The following CEP135 variants were observed in gnomAD, a reference collection of about 807,000 sequenced individuals.
The protein encoded by CEP135 is centrosomal protein 135, also known as centrosomal protein of 135 kDa.
A neutral mutation model predicts 157.3 loss-of-function variants in CEP135; 142 were observed. The ratio of observed to expected loss-of-function variants is 0.90; its 90% CI spans 0.79 to 1.04. CEP135 has a LOEUF of 1.04. Among genes scored for constraint, CEP135 ranks in the 50% least tolerant of loss-of-function variants. The probability of loss-of-function intolerance (pLI) is 0.00; values close to 1 mark genes in which losing one functional copy is unlikely to be tolerated. For missense variants in CEP135, 1,317 were observed against 1,309.2 expected, an observed-to-expected ratio of 1.01 and a Z score of -0.09; for synonymous variants, 396 against 439.8, an observed-to-expected ratio of 0.90 and a Z score of 1.25.
intron 6 of CEP135, 145 bp downstream of exon 6, chr4:55,959,911 G>A: frequency 1.4e-6 from 1 of 716,322 alleles, no homozygotes; most frequent in Non-Finnish European, 2.4e-6. Context: ...AGAGTTAATA[G>A]CTGGAATGGC....
chr4:55,984,211 C>T (rs570231858), intron 13 of CEP135, among the ~76,000 whole-genome samples: 9 of 152,334 alleles, frequency 5.9e-5, no homozygotes, highest in African/African-American at 2.2e-4. Flanking sequence ...CCTCTAAACT[C>T]ATCTCCCCTG....
intron 17 of CEP135, among the ~76,000 whole-genome samples, chr4:56,006,636 T>C (rs1243166811): frequency 6.6e-6 from 1 of 152,080 alleles, no homozygotes; most frequent in Non-Finnish European, 1.5e-5. Context: ...ATATTAAAAA[T>C]TTTTTTCTGA....
Position 55,959,699 on chromosome 4 carries a change from A to G in CEP135, c.632A>G (p.Gln211Arg), listed in dbSNP as rs757551939. 3.0e-5 allele frequency: 48 copies of G among 1,613,930 alleles called. No individual in the cohort carries two copies. The highest frequency in any genetic ancestry group is 4.0e-5 in the Non-Finnish European group (47 of 1,179,920). The change falls in exon 6 of 26, where the codon CAG becomes CGG. Residue 211 changes from glutamine (Q) to arginine (R), a missense_variant. Physicochemically the swap from Gln to Arg is conservative, Grantham distance 43 (BLOSUM62 1). Transcript: ENST00000257287. ...VADNRIQELQ[Q>R]EVHQLQEKLA... ...CTTTTCAGGATTCAAGAACTTCAACAGGAAGTCCACCAGCTACAAGAAAAG... is the reference window on the plus strand; with the variant it reads ...CTTTTCAGGATTCAAGAACTTCAACGGGAAGTCCACCAGCTACAAGAAAAG...
rs533308924 is a variant in CEP135, at chr4:56,019,391, C to T, written c.3051C>T (p.Asp1017=). Residue 1017 remains aspartate, a synonymous_variant, in exon 23 of 26, where the codon GAC becomes GAT. Coordinates refer to ENST00000257287, the MANE Select transcript of CEP135 (RefSeq NM_025009.5). ...VELENVKSES[D]LLKKQLSNER... ...TAGAAAATGTAAAGTCAGAGTCAGACCTACTGAAAAAACAACTTTCAAATG... is the reference window on the plus strand; with the variant it reads ...TAGAAAATGTAAAGTCAGAGTCAGATCTACTGAAAAAACAACTTTCAAATG... 3.7e-6 allele frequency: 6 copies of T among 1,613,496 alleles called. No homozygotes were observed. The South Asian group carries it at 6.6e-5, about 18-fold the overall frequency.
intron 25 of CEP135, among the ~76,000 whole-genome samples, chr4:56,029,592 A>C (rs919622118): frequency 2.6e-5 from 4 of 152,200 alleles, no homozygotes; most frequent in African/African-American, 9.6e-5. Context: ...ATATTGTGCA[A>C]ATGTCATAGA....
chr4:56,014,230 A>C (rs1209538278), intron 21 of CEP135, among the ~76,000 whole-genome samples: 2 of 152,358 alleles, frequency 1.3e-5, no homozygotes, highest in African/African-American at 4.8e-5. Context: ...ATAGCACCAG[A>C]AAGTGGGTTG....
chr4:56,018,047 TC>T (rs1264602498), intron 22 of CEP135, among the ~76,000 whole-genome samples, 190 bp downstream of exon 22: 3 of 152,060 alleles, frequency 2.0e-5, no homozygotes, highest in African/African-American at 7.2e-5. Flanking sequence ...CACCACAACT[TC>T]CGCCTCCTGG....
intron 11 of CEP135, among the ~76,000 whole-genome samples, chr4:55,976,147 G>C (rs1327870512): frequency 6.6e-6 from 1 of 151,676 alleles, no homozygotes; most frequent in Non-Finnish European, 1.5e-5. Flanking sequence ...CCACCTACTA[G>C]GAAGGCTGAG....
Position 55,981,434 on chromosome 4 carries a change from G to A in CEP135, c.1779+55G>A. 5 of 1,484,980 alleles carry A rather than the reference G, an allele frequency of 3.4e-6. No homozygotes were observed. The South Asian group carries it at 5.6e-5, about 17-fold the overall frequency. The allele number at this position is 1,484,980 out of a possible 1,614,324, so 92.0% of individuals were successfully genotyped here. A position where few individuals can be genotyped will look rare whatever the true frequency, so the allele number is the denominator to read the frequency against. On this transcript the variant is annotated intron_variant, in intron 13 of 25. Coordinates refer to ENST00000257287, the MANE Select transcript of CEP135 (RefSeq NM_025009.5). ...AATTTGTTGAGAAAAAGAGGTCTTT[G>A]TATATACATTTTCCTGTGAAGTTAC...
At chr4:55,988,960 C>T (rs1236769138) in intron 14 of CEP135, among the ~76,000 whole-genome samples, 14 of 147,880 alleles carry the variant, frequency 9.5e-5, no homozygotes, top group African/African-American at 2.8e-4. Flanking sequence ...AGCAAGACTC[C>T]GTCTCGAAAA....
chr4:55,954,953 A>G (rs544063187), intron 4 of CEP135, among the ~76,000 whole-genome samples: 1 of 152,240 alleles, frequency 6.6e-6, no homozygotes, highest in South Asian at 2.1e-4. Context: ...TGGTGGCGCA[A>G]GCCTATAGTT....
intron 2 of CEP135, 93 bp from the exon 3 acceptor site, chr4:55,952,992 A>G: frequency 9.1e-7 from 1 of 1,095,598 alleles, no homozygotes; most frequent in Non-Finnish European, 1.3e-6. Flanking sequence ...CATGTGGTGC[A>G]TGACTGTATT....
chr4:55,968,652 G>A (rs1397674501), intron 8 of CEP135, among the ~76,000 whole-genome samples: 2 of 152,088 alleles, frequency 1.3e-5, no homozygotes, highest in African/African-American at 2.4e-5. Flanking sequence ...TCAACAAAAT[G>A]TTCCTATTGG....
chr4:56,017,741 G>T lies in CEP135; in HGVS notation c.2896G>T (p.Glu966Ter). 6.2e-7 allele frequency: 1 copy of T among 1,613,914 alleles called. No individual in the cohort carries two copies. The highest frequency in any genetic ancestry group is 1.1e-5 in the South Asian group (1 of 91,042). ...AGAAGAGCTGAGACATCAAGAAGAT[G>T]AGAAAGCAACAGTATTAAATGACTT... Reference protein sequence around the residue: ...LEEELRHQEDEKATVLNDLSS... With the variant: ...LEEELRHQED The change falls in exon 22 of 26, where the codon GAG becomes TAG. Residue 966 changes from glutamate to a stop codon, truncating the protein, a stop_gained. Coordinates refer to ENST00000257287, the MANE Select transcript of CEP135 (RefSeq NM_025009.5). LOFTEE classifies it high-confidence loss of function.
chr4:55,974,094 T>C (rs570574897), intron 10 of CEP135, among the ~76,000 whole-genome samples: 1 of 152,344 alleles, frequency 6.6e-6, no homozygotes, highest in South Asian at 2.1e-4. Context: ...CTTTTTATAC[T>C]GTATCCTTAG....
intron 3 of CEP135, 103 bp downstream of exon 3, chr4:55,953,378 A>G: frequency 1.2e-6 from 1 of 862,598 alleles, no homozygotes; most frequent in Non-Finnish European, 1.7e-6. Flanking sequence ...TAGAAAATAT[A>G]GTAGTCCTAC....
intron 15 of CEP135, among the ~76,000 whole-genome samples, chr4:55,997,181 T>C (rs1031310222): frequency 3.9e-5 from 6 of 152,230 alleles, no homozygotes; most frequent in Non-Finnish European, 8.8e-5. Context: ...CCTATGACTT[T>C]TACACCTCAA....
chr4:56,025,328 C>T (rs771708035), intron 25 of CEP135, among the ~76,000 whole-genome samples: 19 of 152,128 alleles, frequency 1.2e-4, no homozygotes, highest in East Asian at 3.9e-4. Context: ...TACAGCATAA[C>T]GTTAAATGAC....
rs530623756 is a variant in CEP135 at position 56,020,733 on chromosome 4, A to G, written c.3273A>G (p.Thr1091=). The change falls in exon 24 of 26, where the codon ACA becomes ACG. Residue 1091 remains threonine, a synonymous_variant. Transcript: ENST00000257287. ...MLRAKVAQLQ[T]DYDALKRQIS... ...GAGCTAAAGTGGCACAGTTACAAAC[A>G]GATTATGATGCTCTGAAAAGGCAGA... 3 of 1,613,702 alleles carry G rather than the reference A, an allele frequency of 1.9e-6. No homozygotes were observed. Among genetic ancestry groups the G allele is most frequent in the Non-Finnish European group, 2.5e-6 (3 of 1,179,768 alleles).
Sources: gnomAD v4.1 joint callset for allele counts (sites outside exome capture counted in the v4.1 genomes callset) on GRCh38, gnomAD v4.1.1 for gene constraint, MANE v1.5 for transcripts, NCBI Gene and HGNC (gene_info 2026-07-23, HGNC 2026-07-21) for gene names.